Variants in CCDC7 observed in about 807,000 individuals in gnomAD.
CCDC7 encodes coiled-coil domain-containing protein 7.
Under a neutral mutation model 196.9 loss-of-function variants are expected in CCDC7, and 183 were observed. The ratio of observed to expected loss-of-function variants is 0.93; its 90% CI spans 0.82 to 1.05. The LOEUF (loss-of-function observed/expected upper bound fraction) is 1.05, where lower values mean the gene tolerates loss of function less well. Ranked by LOEUF, CCDC7 falls within the 50% of genes least tolerant of loss-of-function variation. The pLI, the probability that CCDC7 is intolerant of heterozygous loss-of-function variation, is 0.00. For missense variants in CCDC7, 1,540 were observed against 1,482.2 expected (o/e 1.04, Z -0.64); for synonymous variants, 525 against 484.6 (o/e 1.08, Z -1.10).
At chr10:32,626,852 A>G (rs1011568845) in intron 18 of CCDC7, among the ~76,000 whole-genome samples, 7 of 151,882 alleles carry the variant, frequency 4.6e-5, no homozygotes, top group African/African-American at 1.7e-4. Context: ...TTGAAAATCA[A>G]TTGGCTATAT....
intron 20 of CCDC7, among the ~76,000 whole-genome samples, chr10:32,663,527 C>A (rs1334207611): frequency 2.6e-5 from 4 of 152,060 alleles, no homozygotes; most frequent in South Asian, 2.1e-4. Flanking sequence ...TTTTTTCTCA[C>A]TTAACATTAC....
At chr10:32,781,114 T>C (rs1451171292) in intron 29 of CCDC7, among the ~76,000 whole-genome samples, 1 of 152,134 alleles carries the variant, frequency 6.6e-6, no homozygotes, top group Non-Finnish European at 1.5e-5. Flanking sequence ...AACTGACTTA[T>C]GAAGAAATAT....
intron 21 of CCDC7, among the ~76,000 whole-genome samples, chr10:32,684,993 T>C (rs1005387036): frequency 6.6e-6 from 1 of 152,008 alleles, no homozygotes; most frequent in South Asian, 2.1e-4. Flanking sequence ...AACCTGAAAC[T>C]GATTCCAAAA....
intron 8 of CCDC7, among the ~76,000 whole-genome samples, chr10:32,488,406 G>C (rs2041598845): frequency 6.6e-6 from 1 of 152,204 alleles, no homozygotes; most frequent in Non-Finnish European, 1.5e-5. Flanking sequence ...GACTAGGAAA[G>C]GGAATTCCCT....
chr10:32,613,416 G>T (rs2062407867), intron 18 of CCDC7, among the ~76,000 whole-genome samples: 2 of 152,012 alleles, frequency 1.3e-5, no homozygotes, highest in South Asian at 2.1e-4. Context: ...ATCTCCTTCA[G>T]TTTTGCTCTG....
At chr10:32,743,770 A>G (rs1364913819) in intron 28 of CCDC7, among the ~76,000 whole-genome samples, 1 of 152,142 alleles carries the variant, frequency 6.6e-6, no homozygotes, top group Non-Finnish European at 1.5e-5. Flanking sequence ...CTGGATTAAG[A>G]AAATGTGGCA....
chr10:32,629,968 T>C (rs1447094895), intron 18 of CCDC7, among the ~76,000 whole-genome samples: 1 of 152,202 alleles, frequency 6.6e-6, no homozygotes. Context: ...GAGTTATTGC[T>C]GAAGCAAGCC....
intron 28 of CCDC7, among the ~76,000 whole-genome samples, chr10:32,744,744 T>C (rs1008322118): frequency 1.3e-5 from 2 of 152,230 alleles, no homozygotes; most frequent in African/African-American, 4.8e-5. Context: ...TCTTTTGCAA[T>C]GTAATTTCCC....
intron 15 of CCDC7, 123 bp downstream of exon 16, chr10:32,568,014 T>TC: frequency 8.9e-7 from 1 of 1,117,762 alleles, no homozygotes; most frequent in South Asian, 2.0e-5. Context: ...GGGTTTTTTT[T>TC]TTTTTTTTTT....
chr10:32,834,721 C>G (rs2092466946), intron 32 of CCDC7, 94 bp from the exon 34 acceptor site: 3 of 517,704 alleles, frequency 5.8e-6, no homozygotes. Context: ...TATTACTATT[C>G]ATACATACAA....
chr10:32,491,714 C>T (rs539312893), intron 8 of CCDC7, among the ~76,000 whole-genome samples: 1 of 152,072 alleles, frequency 6.6e-6, no homozygotes, highest in South Asian at 2.1e-4. Flanking sequence ...TAAGAGAATG[C>T]AATATAACAT....
chr10:32,730,210 C>T (rs1255207496), intron 28 of CCDC7, among the ~76,000 whole-genome samples: 1 of 152,124 alleles, frequency 6.6e-6, no homozygotes, highest in African/African-American at 2.4e-5. Context: ...CATATGTTCT[C>T]ATTGTTCAAC....
intron 24 of CCDC7, among the ~76,000 whole-genome samples, chr10:32,702,245 A>G (rs968181735): frequency 1.6e-4 from 25 of 152,098 alleles, no homozygotes; most frequent in Admixed American, 3.3e-4. Flanking sequence ...GTTTCAAAGA[A>G]CATCTTTATT....
chr10:32,872,071 T>C (rs1196758081), intron 41 of CCDC7, among the ~76,000 whole-genome samples: 1 of 151,634 alleles, frequency 6.6e-6, no homozygotes, highest in East Asian at 1.9e-4. Flanking sequence ...GCTGGAAAGA[T>C]TGTATATTCT....
At chr10:32,594,973 G>A (rs1233904868) in intron 18 of CCDC7, among the ~76,000 whole-genome samples, 1 of 152,118 alleles carries the variant, frequency 6.6e-6, no homozygotes, top group Non-Finnish European at 1.5e-5. Context: ...GAGTATTTTT[G>A]CATCAACGTT....
intron 18 of CCDC7, among the ~76,000 whole-genome samples, chr10:32,628,249 G>T (rs1015208805): frequency 6.6e-6 from 1 of 151,696 alleles, no homozygotes; most frequent in Non-Finnish European, 1.5e-5. Flanking sequence ...ATTTAATCTT[G>T]CTTGGTTGTA....
Position 32,707,337 on chromosome 10 carries a change from C to T in CCDC7, c.2459-4283C>T, listed in dbSNP as rs966734884. Among the ~76,000 whole-genome samples the T allele has an allele frequency of 3.9e-5, 6 of 152,032 alleles. No homozygotes were observed. The East Asian group carries it at 1.2e-3, about 29-fold the overall frequency. ...GACGTATCTCAAAATAGTAAGAGCT[C>T]TCTATGACAAACCCACAGCCAATAT... On this transcript the variant is annotated intron_variant, in intron 24 of 41. Coordinates refer to ENST00000639629, the Ensembl canonical transcript of CCDC7.
intron 20 of CCDC7, among the ~76,000 whole-genome samples, chr10:32,648,662 C>T (rs1038707626): frequency 6.6e-6 from 1 of 152,312 alleles, no homozygotes; most frequent in African/African-American, 2.4e-5. Flanking sequence ...CCTCCACAAC[C>T]TCGCCAGCAT....
intron 15 of CCDC7, among the ~76,000 whole-genome samples, chr10:32,571,453 A>G (rs988298298): frequency 1.3e-5 from 2 of 152,220 alleles, no homozygotes; most frequent in African/African-American, 2.4e-5. Flanking sequence ...CAACAAGAAT[A>G]TTTAAAAGGA....
Sources: gnomAD v4.1 joint callset for allele counts (sites outside exome capture counted in the v4.1 genomes callset) on GRCh38, gnomAD v4.1.1 for gene constraint, MANE v1.5 for transcripts, NCBI Gene and HGNC (gene_info 2026-07-23, HGNC 2026-07-21) for gene names.